The following DACH2 variants were observed in gnomAD, a reference collection of about 807,000 sequenced individuals.
The protein encoded by DACH2 is dachshund homolog 2.
In DACH2, 17 loss-of-function variants were observed where a neutral mutation model predicts 35.8. That is an observed-to-expected ratio of 0.48 (90% confidence interval 0.33 to 0.71). The LOEUF is 0.71. DACH2 is among the 30% of genes least tolerant of loss of function. DACH2 has a pLI of 0.02. For synonymous variants in DACH2, 195 were observed against 177.3 expected (o/e 1.10, Z -0.79); for missense variants, 469 against 472.7 (o/e 0.99, Z 0.07).
At chrX:86,172,738 G>A (rs1344432390) in intron 1 of DACH2, among the ~76,000 whole-genome samples, 1 of 111,506 alleles carries the variant, frequency 9.0e-6, no homozygotes, top group Non-Finnish European at 1.9e-5. Flanking sequence ...GGGAATTAGG[G>A]ATAAACAAAG....
chrX:86,729,947 A>C (rs912493963), intron 6 of DACH2, among the ~76,000 whole-genome samples: 4 of 110,778 alleles, frequency 3.6e-5, no homozygotes, highest in Non-Finnish European at 5.7e-5. Context: ...ACCCAGTATC[A>C]GGTATTTCTT....
intron 2 of DACH2, among the ~76,000 whole-genome samples, chrX:86,506,691 GCTCTC>G (rs2038328909): frequency 9.0e-6 from 1 of 111,727 alleles, no homozygotes; most frequent in Non-Finnish European, 1.9e-5. Context: ...ACCACACCTG[GCTCTC>G]CTCTCCACTT....
intron 7 of DACH2, among the ~76,000 whole-genome samples, chrX:86,801,030 T>C (rs2042288727): frequency 9.0e-6 from 1 of 111,242 alleles, no homozygotes. Flanking sequence ...ATGTGAAAAT[T>C]GCAGTGCTTT....
At chrX:86,455,423 TC>T (rs1246808887) in intron 2 of DACH2, among the ~76,000 whole-genome samples, 5 of 111,169 alleles carry the variant, frequency 4.5e-5, no homozygotes, top group Non-Finnish European at 9.4e-5. Context: ...TGACCGTCCC[TC>T]CCCCCGAAAC....
At chrX:86,741,189 T>G (rs2041652047) in intron 7 of DACH2, among the ~76,000 whole-genome samples, 1 of 111,460 alleles carries the variant, frequency 9.0e-6, no homozygotes, top group Admixed American at 9.6e-5. Context: ...GGAAGAGAAA[T>G]TTGGGAGGCT....
chrX:86,157,701 T>C (rs12843306), intron 1 of DACH2, among the ~76,000 whole-genome samples: 26,503 of 110,711 alleles, frequency 0.24, 2,888 homozygotes, highest in Non-Finnish European at 0.34. Context: ...GTTTCTGAGC[T>C]TTCAGTTATT....
At chrX:86,473,713 A>G (rs1270181306) in intron 2 of DACH2, among the ~76,000 whole-genome samples, 1 of 111,178 alleles carries the variant, frequency 9.0e-6, no homozygotes, top group African/African-American at 3.3e-5. Context: ...ATTCTTTTTT[A>G]TGGGTGAATA....
intron 2 of DACH2, among the ~76,000 whole-genome samples, chrX:86,474,865 C>T (rs1270070917): frequency 9.0e-6 from 1 of 111,679 alleles, no homozygotes; most frequent in Non-Finnish European, 1.9e-5. Context: ...TCCTGAGTAG[C>T]TGGGATTACA....
At position 86,423,636 on chromosome X, in the gene DACH2, T is replaced by G. The variant is rs1355208763; in HGVS notation, c.527+46774T>G. Among the ~76,000 whole-genome samples the G allele has an allele frequency of 2.7e-5, 3 of 110,494 alleles. No individual in the cohort carries two copies. In the East Asian group the frequency reaches 8.5e-4, roughly 31 times the overall value. ...AGTTGTGTCTTCATTGATTGTTTCC[T>G]TTACTATGCAGAAGCTTTTTAACTT... On this transcript the variant is annotated intron_variant, in intron 2 of 11. Coordinates refer to ENST00000373125, the MANE Select transcript of DACH2 (RefSeq NM_053281.3).
At chrX:86,441,865 GTGTGTATATATATATATATA>G (rs944067820) in intron 2 of DACH2, among the ~76,000 whole-genome samples, 3 of 94,162 alleles carry the variant, frequency 3.2e-5, no homozygotes, top group African/African-American at 1.3e-4. Flanking sequence ...ATGTGTGTGT[GTGTGTATATATATATATATA>G]TATGTATATA....
intron 1 of DACH2, among the ~76,000 whole-genome samples, chrX:86,220,659 G>C (rs1365866120): frequency 8.9e-6 from 1 of 112,023 alleles, no homozygotes; most frequent in African/African-American, 3.2e-5. Context: ...TTTGGCTGTT[G>C]TGTATAGTAC....
intron 1 of DACH2, among the ~76,000 whole-genome samples, chrX:86,234,238 G>A (rs779384983): frequency 4.5e-5 from 5 of 111,977 alleles, no homozygotes; most frequent in Non-Finnish European, 7.5e-5. Context: ...TATGGAATGA[G>A]TGGTGACCAC....
rs187111603 is a variant in DACH2, at chrX:86,640,970, C to A, written c.641-10066C>A. Among the ~76,000 whole-genome samples, 140 of 112,221 alleles carry A rather than the reference C, an allele frequency of 1.2e-3. 1 individual carries two copies. The highest frequency in any genetic ancestry group is 4.4e-3 in the African/African-American group (136 of 30,908). ...TATTGACTGTATTCAATTTACACTG[C>A]AATTAAAGGAACAATCACACACAGA... On this transcript the variant is annotated intron_variant, in intron 3 of 11. Coordinates refer to ENST00000373125, the MANE Select transcript of DACH2 (RefSeq NM_053281.3).
At chrX:86,337,494 G>A (rs2035334153) in intron 1 of DACH2, among the ~76,000 whole-genome samples, 1 of 111,705 alleles carries the variant, frequency 9.0e-6, no homozygotes, top group African/African-American at 3.3e-5. Flanking sequence ...ATAAGTGAAG[G>A]AGAAATAAAA....
intron 3 of DACH2, among the ~76,000 whole-genome samples, chrX:86,644,904 C>T (rs1409797992): frequency 3.6e-5 from 4 of 110,214 alleles, no homozygotes; most frequent in Non-Finnish European, 3.8e-5. Context: ...AAAGCATATA[C>T]AAAAATTAAC....
At chrX:86,572,485 A>G (rs1302843227) in intron 3 of DACH2, among the ~76,000 whole-genome samples, 4 of 111,969 alleles carry the variant, frequency 3.6e-5, no homozygotes, top group African/African-American at 1.3e-4. Context: ...TTATTTAGGA[A>G]TAACAGCAGT....
At chrX:86,732,089 T>A (rs2041538561) in intron 6 of DACH2, among the ~76,000 whole-genome samples, 1 of 112,256 alleles carries the variant, frequency 8.9e-6, no homozygotes, top group African/African-American at 3.2e-5. Flanking sequence ...AGTTATAGAA[T>A]GTTTTCATCA....
chrX:86,591,894 C>T (rs1412468003), intron 3 of DACH2, among the ~76,000 whole-genome samples: 1 of 111,116 alleles, frequency 9.0e-6, no homozygotes, highest in African/African-American at 3.3e-5. Context: ...GTTATATATT[C>T]TTTGTATATT....
At chrX:86,308,883 A>G (rs1211993096) in intron 1 of DACH2, among the ~76,000 whole-genome samples, 1 of 111,244 alleles carries the variant, frequency 9.0e-6, no homozygotes, top group African/African-American at 3.3e-5. Context: ...GTTTTAGCTC[A>G]GGTCTGACTT....
Sources: gnomAD v4.1 joint callset for allele counts (sites outside exome capture counted in the v4.1 genomes callset) on GRCh38, gnomAD v4.1.1 for gene constraint, MANE v1.5 for transcripts, NCBI Gene and HGNC (gene_info 2026-07-23, HGNC 2026-07-21) for gene names.